The following RNF13 variants were observed in gnomAD, a reference collection of about 807,000 sequenced individuals.
RNF13 encodes E3 ubiquitin-protein ligase RNF13.
A neutral mutation model predicts 37.7 loss-of-function variants in RNF13; 19 were observed. That is an observed-to-expected ratio of 0.50 (90% confidence interval 0.35 to 0.74). RNF13 has a LOEUF of 0.74. Ranked by LOEUF, RNF13 falls within the 30% of genes least tolerant of loss-of-function variation. RNF13 has a pLI of 0.01. For missense variants in RNF13, 375 were observed against 453.0 expected, an observed-to-expected ratio of 0.83 and a Z score of 1.56; for synonymous variants, 144 against 157.8, an observed-to-expected ratio of 0.91 and a Z score of 0.65.
intron 3 of RNF13, among the ~76,000 whole-genome samples, chr3:149,867,030 G>C (rs2108430843): frequency 6.6e-6 from 1 of 152,146 alleles, no homozygotes; most frequent in South Asian, 2.1e-4. Context: ...TAAATGTCAG[G>C]ACTTTTCGGT....
intron 8 of RNF13, among the ~76,000 whole-genome samples, chr3:149,921,940 T>C (rs1718166617): frequency 6.6e-6 from 1 of 152,066 alleles, no homozygotes. Flanking sequence ...TTCCTATTTC[T>C]CCACATCCTC....
Position 149,870,284 on chromosome 3 carries a change from T to C in RNF13, c.196-1745T>C, listed in dbSNP as rs1055383164. On this transcript the variant is annotated intron_variant, in intron 3 of 9. Transcript: ENST00000392894. ...AGTTGGAGGGAAATTTTCCTTGCAG[T>C]TGGTGCTCGGCAAAATGGGGGGAGG... Among the ~76,000 whole-genome samples, 26 of 151,596 alleles carry C rather than the reference T, an allele frequency of 1.7e-4. 1 individual carries two copies. In the Middle Eastern group the frequency reaches 0.01, roughly 59 times the overall value.
chr3:149,915,168 T>C (rs1717376469), intron 7 of RNF13, among the ~76,000 whole-genome samples: 1 of 152,220 alleles, frequency 6.6e-6, no homozygotes, highest in South Asian at 2.1e-4. Context: ...TGGGTTACAT[T>C]AATATGCTTT....
intron 1 of RNF13, among the ~76,000 whole-genome samples, chr3:149,827,960 T>G (rs1377184823): frequency 2.0e-5 from 3 of 152,096 alleles, no homozygotes; most frequent in Non-Finnish European, 4.4e-5. Flanking sequence ...TTTTTTTTTT[T>G]TTTAAAGAAA....
At chr3:149,848,517 C>T (rs1294279106) in intron 2 of RNF13, among the ~76,000 whole-genome samples, 1 of 152,112 alleles carries the variant, frequency 6.6e-6, no homozygotes, top group East Asian at 1.9e-4. Context: ...AGAGCACCTC[C>T]TTTTAATGCA....
intron 6 of RNF13, among the ~76,000 whole-genome samples, chr3:149,903,471 T>G (rs1476740367): frequency 3.3e-5 from 5 of 152,144 alleles, no homozygotes; most frequent in African/African-American, 1.2e-4. Flanking sequence ...GTGACACTAT[T>G]GCTTACCAAC....
At chr3:149,825,099 T>G (rs1720365108) in intron 1 of RNF13, among the ~76,000 whole-genome samples, 1 of 151,728 alleles carries the variant, frequency 6.6e-6, no homozygotes. Context: ...GCTGGGACTA[T>G]AGGTGCATGC....
At chr3:149,926,337 G>T (rs986412683) in intron 8 of RNF13, among the ~76,000 whole-genome samples, 4 of 152,040 alleles carry the variant, frequency 2.6e-5, no homozygotes, top group Middle Eastern at 3.4e-3. Context: ...TCATCCTGCC[G>T]AGTAGCTGGG....
chr3:149,860,348 A>G (rs1041013367), intron 3 of RNF13, among the ~76,000 whole-genome samples: 1 of 149,584 alleles, frequency 6.7e-6, no homozygotes, highest in African/African-American at 2.5e-5. Context: ...ACACATATAT[A>G]CATATTATGC....
At chr3:149,947,950 C>T (rs923983599) in intron 8 of RNF13, among the ~76,000 whole-genome samples, 3 of 151,796 alleles carry the variant, frequency 2.0e-5, no homozygotes, top group Non-Finnish European at 4.4e-5. Context: ...CCTATGTGTG[C>T]TTTTTGTTTG....
At chr3:149,896,084 C>T (rs952795963) in intron 5 of RNF13, among the ~76,000 whole-genome samples, 1 of 152,076 alleles carries the variant, frequency 6.6e-6, no homozygotes, top group Non-Finnish European at 1.5e-5. Flanking sequence ...AAAAACGAGC[C>T]AATTTTAGTG....
chr3:149,828,148 AT>A (rs1255675687), intron 1 of RNF13, among the ~76,000 whole-genome samples: 1 of 152,200 alleles, frequency 6.6e-6, no homozygotes, highest in Non-Finnish European at 1.5e-5. Context: ...GAACTGGTTC[AT>A]TTAGTCAGTC....
intron 9 of RNF13, among the ~76,000 whole-genome samples, chr3:149,960,446 C>T (rs1392602046): frequency 6.6e-6 from 1 of 151,932 alleles, no homozygotes; most frequent in African/African-American, 2.4e-5. Flanking sequence ...AAAAAATTAG[C>T]TGGGTGTGGT....
intron 7 of RNF13, 89 bp downstream of exon 7, chr3:149,912,172 T>C (rs1385666843): frequency 1.5e-6 from 1 of 659,128 alleles, no homozygotes; most frequent in Non-Finnish European, 2.7e-6. Context: ...AAACAATGTG[T>C]ACATAAAAGA....
At chr3:149,837,011 G>A (rs527269098) in intron 1 of RNF13, among the ~76,000 whole-genome samples, 24 of 152,302 alleles carry the variant, frequency 1.6e-4, no homozygotes, top group African/African-American at 4.8e-4. Flanking sequence ...TAATTAATGT[G>A]TACCAGGTTT....
intron 3 of RNF13, among the ~76,000 whole-genome samples, chr3:149,853,761 T>C (rs1723372084): frequency 6.6e-6 from 1 of 152,050 alleles, no homozygotes; most frequent in Middle Eastern, 3.4e-3. Flanking sequence ...TTTTTTGTTA[T>C]ATGAATTCAT....
In RNF13 at chr3:149,885,946, A is replaced by G. The variant is rs531531663; in HGVS notation, c.322-9527A>G. 2.6e-5 allele frequency among the ~76,000 whole-genome samples: 4 copies of G among 152,172 alleles called. No individual in the cohort carries two copies. The East Asian group carries it at 5.8e-4, about 22-fold the overall frequency. The stretch of plus-strand genomic sequence containing the variant: ...TAGGGGTCTAGTTTCATTCTTCTGG[A>G]TATGTACCTCCAGTTTTCTCAGCGC... On this transcript the variant is annotated intron_variant, in intron 4 of 9. Coordinates refer to ENST00000392894, the MANE Select transcript of RNF13 (RefSeq NM_183381.3).
chr3:149,880,621 C>T (rs767769463), intron 4 of RNF13, among the ~76,000 whole-genome samples: 10 of 151,930 alleles, frequency 6.6e-5, no homozygotes, highest in East Asian at 1.9e-4. Flanking sequence ...GAAAAAAAGA[C>T]GAATGTAATT....
chr3:149,893,649 A>G (rs1161827737), intron 4 of RNF13, among the ~76,000 whole-genome samples: 2 of 152,236 alleles, frequency 1.3e-5, no homozygotes, highest in African/African-American at 2.4e-5. Context: ...TTTATAGACT[A>G]CATTCTTAAG....
Sources: gnomAD v4.1 joint callset for allele counts (sites outside exome capture counted in the v4.1 genomes callset) on GRCh38, gnomAD v4.1.1 for gene constraint, MANE v1.5 for transcripts, NCBI Gene and HGNC (gene_info 2026-07-23, HGNC 2026-07-21) for gene names.